The following DLG2 variants were observed in gnomAD, a reference collection of about 807,000 sequenced individuals.
DLG2 encodes the protein disks large homolog 2.
In DLG2, 45 loss-of-function variants were observed where a neutral mutation model predicts 132.5. That is an observed-to-expected ratio of 0.34 (90% CI 0.27 to 0.44). The LOEUF (loss-of-function observed/expected upper bound fraction) is 0.44. DLG2 is among the 20% of genes least tolerant of loss of function. DLG2 has a pLI of 1.00. For missense variants in DLG2, 1,045 were observed against 1,196.9 expected (o/e 0.87, Z 1.87); for synonymous variants, 424 against 419.6 (o/e 1.01, Z -0.13).
chr11:83,849,910 G>A (rs760133548), intron 16 of DLG2, among the ~76,000 whole-genome samples: 5 of 151,944 alleles, frequency 3.3e-5, no homozygotes, highest in Non-Finnish European at 5.9e-5. Flanking sequence ...AAAATGTCTA[G>A]CAAACAAGGT....
At chr11:83,592,396 G>A (rs1333269679) in intron 19 of DLG2, among the ~76,000 whole-genome samples, 1 of 148,138 alleles carries the variant, frequency 6.8e-6, no homozygotes, top group African/African-American at 2.5e-5. Context: ...ATGGGGAAAG[G>A]ATTCCCTATT....
chr11:84,419,764 T>C (rs1229096107), intron 7 of DLG2, among the ~76,000 whole-genome samples: 1 of 152,208 alleles, frequency 6.6e-6, no homozygotes, highest in African/African-American at 2.4e-5. Context: ...AATTAGCCTG[T>C]GTCCTGAGCC....
At chr11:85,500,808 A>T (rs2093783665) in intron 3 of DLG2, among the ~76,000 whole-genome samples, 1 of 152,248 alleles carries the variant, frequency 6.6e-6, no homozygotes, top group African/African-American at 2.4e-5. Context: ...GCTCATGGAT[A>T]GGAAGAATCA....
intron 20 of DLG2, among the ~76,000 whole-genome samples, chr11:83,534,647 A>T (rs2095838724): frequency 1.3e-5 from 2 of 152,238 alleles, no homozygotes; most frequent in African/African-American, 4.8e-5. Context: ...TATTAAAACA[A>T]TGTAAGGCCG....
intron 10 of DLG2, among the ~76,000 whole-genome samples, chr11:84,074,605 TG>T (rs2096799877): frequency 6.6e-6 from 1 of 150,912 alleles, no homozygotes; most frequent in Admixed American, 6.6e-5. Context: ...CTCGGCTCAC[TG>T]CAACCTCCGC....
chr11:84,819,222 A>G (rs1295427021), intron 6 of DLG2, among the ~76,000 whole-genome samples: 2 of 151,866 alleles, frequency 1.3e-5, no homozygotes, highest in Non-Finnish European at 2.9e-5. Flanking sequence ...ATTTAAACCT[A>G]TATCTACCTG....
At chr11:83,986,142 T>C (rs995319849) in intron 11 of DLG2, among the ~76,000 whole-genome samples, 4 of 151,826 alleles carry the variant, frequency 2.6e-5, no homozygotes, top group South Asian at 2.1e-4. Flanking sequence ...ATGTGCCATG[T>C]TGGTGTGCTG....
At chr11:85,611,980 G>T (rs2081038922) in intron 2 of DLG2, among the ~76,000 whole-genome samples, 1 of 151,950 alleles carries the variant, frequency 6.6e-6, no homozygotes. Context: ...GAGATAGGAA[G>T]TCAAAGAGAG....
intron 12 of DLG2, among the ~76,000 whole-genome samples, chr11:83,976,141 A>T (rs759918508): frequency 3.9e-5 from 6 of 152,022 alleles, no homozygotes; most frequent in Admixed American, 3.3e-4. Flanking sequence ...TGAGAAACTA[A>T]AAGAGTTATT....
At chr11:83,649,579 G>A (rs1179898039) in intron 18 of DLG2, among the ~76,000 whole-genome samples, 2 of 152,168 alleles carry the variant, frequency 1.3e-5, no homozygotes, top group Non-Finnish European at 2.9e-5. Context: ...TCAAGATTCA[G>A]TTTATGTGCT....
intron 6 of DLG2, among the ~76,000 whole-genome samples, chr11:84,780,915 G>C (rs1400205215): frequency 6.9e-6 from 1 of 145,142 alleles, no homozygotes; most frequent in Non-Finnish European, 1.5e-5. Context: ...CAGTTGTTTA[G>C]AACGGCTGAG....
intron 25 of DLG2, among the ~76,000 whole-genome samples, chr11:83,467,519 C>A (rs920141209): frequency 6.6e-6 from 1 of 151,602 alleles, no homozygotes; most frequent in Admixed American, 6.6e-5. Flanking sequence ...GAGGCCGAGG[C>A]GGGTGGATCA....
At position 84,549,420 on chromosome 11, in the gene DLG2, T is replaced by C. The variant is rs75008050; in HGVS notation, c.358-14689A>G. On this transcript the variant is annotated intron_variant, in intron 6 of 27. Coordinates refer to ENST00000376104, the MANE Select transcript of DLG2 (RefSeq NM_001142699.3). ...CTACAGCATCTGTGAGTGAGAATCATTCACTACTAAAAGCTAGAAACATGT... is the reference window on the plus strand; with the variant it reads ...CTACAGCATCTGTGAGTGAGAATCACTCACTACTAAAAGCTAGAAACATGT... Among the ~76,000 whole-genome samples the C allele has an allele frequency of 2.7e-3, 410 of 152,294 alleles. 1 individual carries two copies. Among genetic ancestry groups the C allele is most frequent in the Admixed American group, 8.3e-3 (127 of 15,302 alleles).
intron 21 of DLG2, among the ~76,000 whole-genome samples, chr11:83,525,862 T>G (rs1049734786): frequency 6.6e-6 from 1 of 152,190 alleles, no homozygotes; most frequent in African/African-American, 2.4e-5. Context: ...CTCACTCTGG[T>G]GAAGCAAATA....
At position 85,204,850 on chromosome 11, in the gene DLG2, C is replaced by G. The variant is rs189275436; in HGVS notation, c.187-50199G>C. Among the ~76,000 whole-genome samples, 30 of 152,074 alleles carry G rather than the reference C, an allele frequency of 2.0e-4. 1 individual carries two copies. Among genetic ancestry groups the G allele is most frequent in the African/African-American group, 6.0e-4 (25 of 41,502 alleles). On this transcript the variant is annotated intron_variant, in intron 4 of 27. Coordinates refer to ENST00000376104, the MANE Select transcript of DLG2 (RefSeq NM_001142699.3). The stretch of plus-strand genomic sequence containing the variant: ...AAAACAGACACACAGGCCAATGAAA[C>G]AGAATAGAGAATCCAGAAATAAATC...
At chr11:84,810,821 T>TA (rs1223766659) in intron 6 of DLG2, among the ~76,000 whole-genome samples, 3 of 152,044 alleles carry the variant, frequency 2.0e-5, no homozygotes, top group African/African-American at 7.2e-5. Context: ...TATGCTGAGT[T>TA]AAAAAAAATC....
At chr11:84,201,072 G>A (rs1464295968) in intron 8 of DLG2, among the ~76,000 whole-genome samples, 1 of 152,088 alleles carries the variant, frequency 6.6e-6, no homozygotes, top group Non-Finnish European at 1.5e-5. Flanking sequence ...GTATGATATT[G>A]GTTGTGGGTT....
At chr11:84,057,264 A>T (rs1321202485) in intron 11 of DLG2, among the ~76,000 whole-genome samples, 2 of 151,852 alleles carry the variant, frequency 1.3e-5, no homozygotes, top group Non-Finnish European at 2.9e-5. Flanking sequence ...GCTCTGGATG[A>T]CCTCCAGCTG....
In DLG2 at chr11:85,560,236, T is replaced by C. The variant is rs375046486; in HGVS notation, c.40+38421A>G. Among the ~76,000 whole-genome samples the C allele has an allele frequency of 1.4e-3, 207 of 151,952 alleles. 2 individuals carry two copies. Among genetic ancestry groups the C allele is most frequent in the African/African-American group, 4.9e-3 (205 of 41,540 alleles). ...CCTAGAAATTTCCCATCTAGGAATC[T>C]ACCAAAGACAAAAGAATACACCTGT... On this transcript the variant is annotated intron_variant, in intron 3 of 27. Coordinates refer to ENST00000376104, the MANE Select transcript of DLG2 (RefSeq NM_001142699.3).
Sources: gnomAD v4.1 joint callset for allele counts (sites outside exome capture counted in the v4.1 genomes callset) on GRCh38, gnomAD v4.1.1 for gene constraint, MANE v1.5 for transcripts, NCBI Gene and HGNC (gene_info 2026-07-23, HGNC 2026-07-21) for gene names.